ADAMTS6: variants seen among roughly 807,000 people sequenced by gnomAD.
The protein encoded by ADAMTS6 is A disintegrin and metalloproteinase with thrombospondin motifs 6.
A neutral mutation model predicts 144.3 loss-of-function variants in ADAMTS6; 23 were observed. The observed-to-expected ratio is 0.16, with a 90% CI of 0.11 to 0.23. ADAMTS6 has a LOEUF of 0.23. ADAMTS6 is among the 10% of genes least tolerant of loss of function. The probability of loss-of-function intolerance (pLI) is 1.00; values close to 1 mark genes in which losing one functional copy is unlikely to be tolerated. For missense variants in ADAMTS6, 999 were observed against 1,379.6 expected (o/e 0.72, Z 4.37); for synonymous variants, 444 against 457.5 (o/e 0.97, Z 0.38).
chr5:65,238,947 T>C (rs1428917173), intron 15 of ADAMTS6, among the ~76,000 whole-genome samples: 1 of 152,122 alleles, frequency 6.6e-6, no homozygotes, highest in Non-Finnish European at 1.5e-5. Context: ...TGCAAAAATT[T>C]ACATGAAAAT....
chr5:65,172,936 A>C lies in ADAMTS6; in HGVS notation c.2983T>G (p.Phe995Val), dbSNP rs766386810. Residue 995 changes from phenylalanine to valine, a missense_variant, in exon 23 of 25, where the codon TTC (phenylalanine) becomes GTC (valine). Around this residue, in one of 3 missense-constraint regions of ADAMTS6, gnomAD observed 619 missense variants for 837.0 expected, o/e 0.74. Transcript: ENST00000381055. ...TCCTCTGGACATTGTGCAGCTGGGAATGTCTTAGAAAGGTCACTGCTCTTG... is the reference window on the plus strand; with the variant it reads ...TCCTCTGGACATTGTGCAGCTGGGACTGTCTTAGAAAGGTCACTGCTCTTG... The part of the protein sequence containing the change: ...LCKSSDLSKT[F>V]PAAQCPEESK... The C allele has an allele frequency of 6.2e-7, 1 of 1,614,232 alleles. No individual in the cohort carries two copies. The highest frequency in any genetic ancestry group is 1.1e-5 in the South Asian group (1 of 91,084).
chr5:65,321,144 T>C (rs1745571782), intron 9 of ADAMTS6, among the ~76,000 whole-genome samples: 1 of 152,236 alleles, frequency 6.6e-6, no homozygotes, highest in Admixed American at 6.5e-5. Flanking sequence ...ATACAATGGC[T>C]GAACTAATTT....
chr5:65,452,314 G>A, intron 5 of ADAMTS6, 98 bp from the exon 6 acceptor site: 1 of 1,038,278 alleles, frequency 9.6e-7, no homozygotes, highest in Admixed American at 2.1e-5. Context: ...TATAAATTTA[G>A]CCATTGTATA....
chr5:65,255,346 T>C (rs1367575707), intron 14 of ADAMTS6, among the ~76,000 whole-genome samples: 1 of 152,160 alleles, frequency 6.6e-6, no homozygotes, highest in Admixed American at 6.5e-5. Context: ...TTAGTGATGA[T>C]TTCTGAGATT....
intron 7 of ADAMTS6, among the ~76,000 whole-genome samples, chr5:65,397,772 G>A (rs1753476699): frequency 6.6e-6 from 1 of 151,696 alleles, no homozygotes; most frequent in Non-Finnish European, 1.5e-5. Flanking sequence ...AGCTACTTAG[G>A]AGGTTGAGGT....
intron 14 of ADAMTS6, among the ~76,000 whole-genome samples, chr5:65,248,443 A>C (rs1193270504): frequency 6.6e-6 from 1 of 152,162 alleles, no homozygotes; most frequent in Non-Finnish European, 1.5e-5. Flanking sequence ...TGCCTTAAAT[A>C]GTCTGAATTT....
At chr5:65,215,744 G>A (rs959991613) in intron 18 of ADAMTS6, among the ~76,000 whole-genome samples, 18 of 152,134 alleles carry the variant, frequency 1.2e-4, no homozygotes, top group Non-Finnish European at 1.9e-4. Context: ...GAAGTAACAA[G>A]GAAAATTATG....
At chr5:65,255,258 AT>A (rs908378068) in intron 14 of ADAMTS6, among the ~76,000 whole-genome samples, 16 of 151,574 alleles carry the variant, frequency 1.1e-4, no homozygotes, top group African/African-American at 3.2e-4. Context: ...ACTTGAAGAA[AT>A]TTTTTTTTAA....
At chr5:65,299,197 A>G (rs1351143484) in intron 10 of ADAMTS6, among the ~76,000 whole-genome samples, 1 of 152,172 alleles carries the variant, frequency 6.6e-6, no homozygotes, top group Non-Finnish European at 1.5e-5. Context: ...TATTTTATAT[A>G]CATTATAGCA....
intron 7 of ADAMTS6, among the ~76,000 whole-genome samples, chr5:65,398,820 GAAAGAAAGAAAGAA>G (rs1185151911): frequency 7.5e-6 from 1 of 134,094 alleles, no homozygotes; most frequent in African/African-American, 3.5e-5. Context: ...AAGAAAGAAA[GAAAGAAAGAAAGAA>G]AGAAAGAAAG....
At chr5:65,235,416 A>G (rs908120490) in intron 15 of ADAMTS6, among the ~76,000 whole-genome samples, 1 of 152,202 alleles carries the variant, frequency 6.6e-6, no homozygotes, top group Non-Finnish European at 1.5e-5. Flanking sequence ...CAGAGTGTCA[A>G]CTTGATTGGA....
At chr5:65,291,978 T>C (rs963030380) in intron 10 of ADAMTS6, among the ~76,000 whole-genome samples, 5 of 152,172 alleles carry the variant, frequency 3.3e-5, no homozygotes, top group African/African-American at 1.2e-4. Context: ...ATGGGTTGAA[T>C]GACAGATGAG....
At chr5:65,371,061 G>T (rs1750846311) in intron 7 of ADAMTS6, among the ~76,000 whole-genome samples, 1 of 152,132 alleles carries the variant, frequency 6.6e-6, no homozygotes, top group South Asian at 2.1e-4. Flanking sequence ...GCAGCTGAGT[G>T]TCCTGTCTGT....
At chr5:65,312,503 T>G (rs994730852) in intron 9 of ADAMTS6, among the ~76,000 whole-genome samples, 1 of 152,084 alleles carries the variant, frequency 6.6e-6, no homozygotes, top group Non-Finnish European at 1.5e-5. Flanking sequence ...TTTGCTCATG[T>G]GTTTTCTAAA....
intron 20 of ADAMTS6, among the ~76,000 whole-genome samples, chr5:65,203,372 T>C (rs1326110395): frequency 2.0e-5 from 3 of 152,114 alleles, no homozygotes; most frequent in East Asian, 1.9e-4. Flanking sequence ...CTGGGCAACA[T>C]AGAAAGACCT....
At chr5:65,295,481 G>A (rs200635920) in intron 10 of ADAMTS6, among the ~76,000 whole-genome samples, 4 of 151,854 alleles carry the variant, frequency 2.6e-5, no homozygotes, top group South Asian at 2.1e-4. Flanking sequence ...GGTGTAATAC[G>A]CAAATTTGTC....
chr5:65,295,729 T>G (rs1486229564), intron 10 of ADAMTS6, among the ~76,000 whole-genome samples: 1 of 152,064 alleles, frequency 6.6e-6, no homozygotes, highest in Non-Finnish European at 1.5e-5. Context: ...TATTTTTGTT[T>G]ACGCTTCTAA....
At chr5:65,194,606 C>T (rs1755219666) in intron 21 of ADAMTS6, among the ~76,000 whole-genome samples, 1 of 152,096 alleles carries the variant, frequency 6.6e-6, no homozygotes, top group African/African-American at 2.4e-5. Flanking sequence ...TTAAAATTTC[C>T]TTTTCCATAG....
chr5:65,470,689 TA>T (rs1760365135), intron 3 of ADAMTS6, 88 bp downstream of exon 3: 199 of 1,067,398 alleles, frequency 1.9e-4, no homozygotes, highest in East Asian at 5.9e-4. Context: ...TATATATATA[TA>T]TATTTTTTTT....
Sources: allele counts gnomAD v4.1 joint callset (sites outside exome capture counted in the v4.1 genomes callset), GRCh38; gene constraint gnomAD v4.1.1; regional missense constraint gnomAD v4.1.1; transcripts MANE v1.5; gene names NCBI Gene and HGNC (gene_info 2026-07-23, HGNC 2026-07-21).